UNC5D: variants seen among roughly 807,000 people sequenced by gnomAD.
The protein encoded by UNC5D is unc-5 netrin receptor D, also known as netrin receptor UNC5D.
Under a neutral mutation model 105.4 loss-of-function variants are expected in UNC5D, and 39 were observed. The observed-to-expected ratio is 0.37, with a 90% CI of 0.29 to 0.48. The LOEUF (loss-of-function observed/expected upper bound fraction) is 0.48. UNC5D is among the 20% of genes least tolerant of loss of function. The pLI is 0.98. For missense variants in UNC5D, 991 were observed against 1,202.4 expected (o/e 0.82, Z 2.60); for synonymous variants, 452 against 450.4 (o/e 1.00, Z -0.04).
chr8:35,320,050 C>T (rs776290701), intron 1 of UNC5D, among the ~76,000 whole-genome samples: 5 of 151,922 alleles, frequency 3.3e-5, no homozygotes, highest in African/African-American at 9.7e-5. Flanking sequence ...TATGAGTGAC[C>T]GGTGGCCCAT....
chr8:35,721,245 C>T (rs1401872932), intron 8 of UNC5D, among the ~76,000 whole-genome samples: 1 of 151,988 alleles, frequency 6.6e-6, no homozygotes, highest in East Asian at 1.9e-4. Flanking sequence ...TCTAAGATTA[C>T]ACCTCTTTGA....
intron 7 of UNC5D, among the ~76,000 whole-genome samples, chr8:35,694,188 T>A (rs1464744894): frequency 1.3e-5 from 2 of 152,172 alleles, no homozygotes; most frequent in Non-Finnish European, 2.9e-5. Flanking sequence ...AGACAACTTT[T>A]ACAGATGATA....
chr8:35,361,121 T>G (rs2128917982), intron 1 of UNC5D, among the ~76,000 whole-genome samples: 1 of 151,768 alleles, frequency 6.6e-6, no homozygotes, highest in Admixed American at 6.6e-5. Flanking sequence ...GATGAGGGAG[T>G]TTCAGGGTGG....
intron 1 of UNC5D, among the ~76,000 whole-genome samples, chr8:35,258,390 TAA>T (rs1804226545): frequency 6.6e-6 from 1 of 152,156 alleles, no homozygotes; most frequent in African/African-American, 2.4e-5. Context: ...ATGTTATTTT[TAA>T]AAGAGACAGT....
chr8:35,314,686 G>A (rs1182520553), intron 1 of UNC5D, among the ~76,000 whole-genome samples: 1 of 152,182 alleles, frequency 6.6e-6, no homozygotes, highest in Non-Finnish European at 1.5e-5. Flanking sequence ...GTTTTGGAGA[G>A]TCAACTCTTG....
rs569342896 is a variant in UNC5D, at chr8:35,379,422, T to A, written c.103+143535T>A. ...GGAGATCTGAACATCATCTTCACTC[T>A]TCTCTTTCTACCCTAAGAGACTGAG... On this transcript the variant is annotated intron_variant, in intron 1 of 16. Transcript: ENST00000404895. Among the ~76,000 whole-genome samples the A allele has an allele frequency of 2.6e-5, 4 of 152,302 alleles. No individual in the cohort carries two copies. In the East Asian group the frequency reaches 7.7e-4, roughly 29 times the overall value.
chr8:35,724,522 T>C (rs1389676194), intron 9 of UNC5D, among the ~76,000 whole-genome samples: 1 of 152,198 alleles, frequency 6.6e-6, no homozygotes, highest in African/African-American at 2.4e-5. Flanking sequence ...TGACTGTCGC[T>C]GGTCAGACTT....
intron 8 of UNC5D, among the ~76,000 whole-genome samples, chr8:35,712,280 G>C (rs1398761184): frequency 1.3e-5 from 2 of 152,098 alleles, no homozygotes; most frequent in Non-Finnish European, 2.9e-5. Flanking sequence ...CAAAAAGAAA[G>C]AAAATCAAGA....
chr8:35,359,126 G>T (rs1233287720), intron 1 of UNC5D, among the ~76,000 whole-genome samples: 2 of 152,174 alleles, frequency 1.3e-5, no homozygotes, highest in African/African-American at 2.4e-5. Context: ...ACTCTGTCTG[G>T]ATGGCCAAGC....
At chr8:35,610,657 G>A (rs1820612022) in intron 4 of UNC5D, among the ~76,000 whole-genome samples, 1 of 152,200 alleles carries the variant, frequency 6.6e-6, no homozygotes, top group Admixed American at 6.5e-5. Flanking sequence ...TACAAAAAGA[G>A]AAGTGAGAGA....
chr8:35,516,920 T>C (rs1192835834), intron 1 of UNC5D, among the ~76,000 whole-genome samples: 3 of 152,196 alleles, frequency 2.0e-5, no homozygotes, highest in Admixed American at 2.0e-4. Context: ...AAAGCAATAA[T>C]CTAAATTTGC....
At chr8:35,467,787 A>G (rs1013599713) in intron 1 of UNC5D, among the ~76,000 whole-genome samples, 3 of 152,142 alleles carry the variant, frequency 2.0e-5, no homozygotes, top group African/African-American at 7.2e-5. Flanking sequence ...CTATCTTCCA[A>G]CAAGAGCTGT....
intron 1 of UNC5D, among the ~76,000 whole-genome samples, chr8:35,403,203 T>G (rs1463246259): frequency 1.3e-5 from 2 of 152,258 alleles, no homozygotes; most frequent in Non-Finnish European, 2.9e-5. Flanking sequence ...TAAAGCTTGT[T>G]GGCCAGCAAC....
intron 15 of UNC5D, among the ~76,000 whole-genome samples, chr8:35,771,347 A>G (rs572534936): frequency 7.9e-5 from 12 of 152,270 alleles, no homozygotes; most frequent in African/African-American, 2.9e-4. Flanking sequence ...GACACTTCCA[A>G]TGTTTTCAGT....
intron 4 of UNC5D, among the ~76,000 whole-genome samples, chr8:35,620,074 G>A (rs772074885): frequency 6.6e-6 from 1 of 152,050 alleles, no homozygotes; most frequent in Non-Finnish European, 1.5e-5. Flanking sequence ...CAAAAGAGGG[G>A]GTCAAAGATC....
At chr8:35,411,817 G>A (rs1054141752) in intron 1 of UNC5D, among the ~76,000 whole-genome samples, 16 of 151,904 alleles carry the variant, frequency 1.1e-4, no homozygotes, top group African/African-American at 3.9e-4. Flanking sequence ...TTTATCGGAA[G>A]TACCCAGAAT....
chr8:35,778,607 A>T (rs1033082478), intron 16 of UNC5D, among the ~76,000 whole-genome samples: 2 of 152,208 alleles, frequency 1.3e-5, no homozygotes, highest in Admixed American at 6.5e-5. Context: ...CATTCTATTC[A>T]GGCAGTTCAC....
At chr8:35,333,569 T>G (rs929204194) in intron 1 of UNC5D, among the ~76,000 whole-genome samples, 2 of 152,150 alleles carry the variant, frequency 1.3e-5, no homozygotes, top group Non-Finnish European at 2.9e-5. Context: ...AACCTCCGCC[T>G]CCTGGGTTCA....
At chr8:35,673,336 T>C (rs1196080616) in intron 4 of UNC5D, among the ~76,000 whole-genome samples, 1 of 152,186 alleles carries the variant, frequency 6.6e-6, no homozygotes, top group South Asian at 2.1e-4. Flanking sequence ...ATATGCCCCA[T>C]TGTGAGCAGA....
Sources: allele counts gnomAD v4.1 joint callset (sites outside exome capture counted in the v4.1 genomes callset), GRCh38; gene constraint gnomAD v4.1.1; transcripts MANE v1.5; gene names NCBI Gene and HGNC (gene_info 2026-07-23, HGNC 2026-07-21).